The following ULK2 variants were observed in gnomAD, a reference collection of about 807,000 sequenced individuals.
ULK2 encodes the protein unc-51 like autophagy activating kinase 2.
Under a neutral mutation model 127.5 loss-of-function variants are expected in ULK2, and 76 were observed. The observed-to-expected ratio is 0.60, with a 90% CI of 0.50 to 0.72. The LOEUF (loss-of-function observed/expected upper bound fraction) is 0.72. Among genes scored for constraint, ULK2 ranks in the 30% least tolerant of loss-of-function variants. The pLI, the probability that ULK2 is intolerant of heterozygous loss-of-function variation, is 0.00. For synonymous variants in ULK2, 452 were observed against 461.9 expected, an observed-to-expected ratio of 0.98 and a Z score of 0.28; for missense variants, 1,144 against 1,295.9, an observed-to-expected ratio of 0.88 and a Z score of 1.80.
At chr17:19,826,663 G>C (rs2041304075) in intron 10 of ULK2, among the ~76,000 whole-genome samples, 1 of 152,030 alleles carries the variant, frequency 6.6e-6, no homozygotes, top group African/African-American at 2.4e-5. Flanking sequence ...ACATTAAAAA[G>C]AGAAAAAACT....
chr17:19,782,093 A>G (rs2086931914), intron 22 of ULK2, 26 bp from the exon 23 acceptor site: 1 of 1,609,590 alleles, frequency 6.2e-7, no homozygotes, highest in South Asian at 1.1e-5. Flanking sequence ...TTTGTCTTAG[A>G]AAATTTCAGA....
chr17:19,860,426 AC>A (rs1425210519), intron 3 of ULK2, among the ~76,000 whole-genome samples: 1 of 152,160 alleles, frequency 6.6e-6, no homozygotes, highest in Non-Finnish European at 1.5e-5. Flanking sequence ...AACATACTGT[AC>A]CCCTTGATGA....
chr17:19,798,116 T>C (rs1455700911), intron 17 of ULK2, among the ~76,000 whole-genome samples: 1 of 152,146 alleles, frequency 6.6e-6, no homozygotes, highest in Non-Finnish European at 1.5e-5. Context: ...AAAAGAAAAC[T>C]CGAACTAACT....
At chr17:19,777,036 T>C (rs2086824260) in intron 26 of ULK2, among the ~76,000 whole-genome samples, 2 of 152,222 alleles carry the variant, frequency 1.3e-5, no homozygotes. Context: ...TATCTAGTTA[T>C]GCATCTATTT....
At chr17:19,864,870 A>G in intron 2 of ULK2, 26 bp from the exon 3 acceptor site, 1 of 1,127,312 alleles carries the variant, frequency 8.9e-7, no homozygotes, top group East Asian at 2.7e-5. Context: ...AGAATGAAAA[A>G]TATGTAAGTA....
At chr17:19,821,815 C>T (rs1009980524) in intron 12 of ULK2, among the ~76,000 whole-genome samples, 1 of 152,058 alleles carries the variant, frequency 6.6e-6, no homozygotes, top group African/African-American at 2.4e-5. Flanking sequence ...TCATAGCTCA[C>T]TGTAACCTCG....
rs144353476 is a variant in ULK2, at chr17:19,790,254, T to C, written c.2102-4168A>G. ...CAACATGGTGAAACACTGTCTCTACTAAAAATACAAAAATTTGCCAGGTGT... is the reference window on the plus strand; with the variant it reads ...CAACATGGTGAAACACTGTCTCTACCAAAAATACAAAAATTTGCCAGGTGT... On this transcript the variant is annotated intron_variant, in intron 20 of 26. Coordinates refer to ENST00000395544, the MANE Select transcript of ULK2 (RefSeq NM_014683.4). 2.0e-4 allele frequency among the ~76,000 whole-genome samples: 31 copies of C among 152,114 alleles called. No individual in the cohort carries two copies. In the East Asian group the frequency reaches 5.6e-3, roughly 28 times the overall value.
intron 12 of ULK2, among the ~76,000 whole-genome samples, chr17:19,822,525 C>A (rs2041177482): frequency 6.6e-6 from 1 of 151,260 alleles, no homozygotes; most frequent in African/African-American, 2.4e-5. Context: ...CCACGCCCAG[C>A]CAATTTTTGT....
intron 3 of ULK2, among the ~76,000 whole-genome samples, chr17:19,864,233 C>G (rs779806407): frequency 9.2e-5 from 14 of 152,134 alleles, no homozygotes; most frequent in Non-Finnish European, 1.8e-4. Flanking sequence ...TTTGGGAGGC[C>G]AAGGTGGGAG....
intron 10 of ULK2, among the ~76,000 whole-genome samples, chr17:19,836,419 ACAAG>A (rs1209884984): frequency 6.6e-6 from 1 of 150,506 alleles, no homozygotes; most frequent in African/African-American, 2.4e-5. Flanking sequence ...AAAAACACAA[ACAAG>A]CAAAAAAAAT....
At chr17:19,826,088 C>T in intron 11 of ULK2, 51 bp downstream of exon 11, 1 of 1,096,986 alleles carries the variant, frequency 9.1e-7, no homozygotes, top group African/African-American at 1.6e-5. Context: ...TTAATTTTTC[C>T]TAAAGCTTGC....
At chr17:19,858,122 G>A (rs1328951589) in intron 3 of ULK2, among the ~76,000 whole-genome samples, 2 of 152,036 alleles carry the variant, frequency 1.3e-5, no homozygotes, top group East Asian at 1.9e-4. Flanking sequence ...CTATTGGCCC[G>A]GGTGTGGTGG....
In ULK2 at chr17:19,782,012, C is replaced by T. The variant is rs758506166; in HGVS notation, c.2516G>A (p.Cys839Tyr). ...CCTCATGGCTGTCAGGTCCAGCACA[C>T]ACTCAGTGAACATCAGCATCACATT... ...HLNVMLMFTE[C>Y]VLDLTAMRGG... is the part of the protein sequence containing the mutation. The change falls in exon 23 of 27, where the codon TGT (cysteine) becomes TAT (tyrosine). Residue 839 changes from cysteine (C) to tyrosine (Y), a missense_variant. Cys to Tyr is a radical substitution (Grantham distance 194, BLOSUM62 -2). This residue lies in a region of ULK2 where 913 missense variants were observed against 970.5 expected (regional missense o/e 0.94). Coordinates refer to ENST00000395544, the MANE Select transcript of ULK2 (RefSeq NM_014683.4). 1.9e-5 allele frequency: 31 copies of T among 1,614,100 alleles called. No individual in the cohort carries two copies. Among genetic ancestry groups the T allele is most frequent in the Admixed American group, 5.0e-5 (3 of 60,010 alleles).
chr17:19,812,012 T>C (rs765134684), intron 13 of ULK2, among the ~76,000 whole-genome samples: 1 of 152,066 alleles, frequency 6.6e-6, no homozygotes, highest in East Asian at 1.9e-4. Flanking sequence ...GCCACCAAAA[T>C]TTGGAAGGTA....
intron 9 of ULK2, among the ~76,000 whole-genome samples, chr17:19,839,616 C>T (rs1247748881): frequency 2.1e-5 from 3 of 146,172 alleles, no homozygotes; most frequent in Admixed American, 7.0e-5. Context: ...GAGCCAAGAT[C>T]GTGCCATTAC....
intron 12 of ULK2, among the ~76,000 whole-genome samples, chr17:19,824,752 A>C (rs562722198): frequency 1.0e-3 from 156 of 152,330 alleles, no homozygotes; most frequent in African/African-American, 3.3e-3. Flanking sequence ...ATTCAGATCA[A>C]ATAAATATTT....
At chr17:19,782,909 C>T (rs2086949607) in intron 22 of ULK2, among the ~76,000 whole-genome samples, 1 of 136,728 alleles carries the variant, frequency 7.3e-6, no homozygotes, top group African/African-American at 2.7e-5. Context: ...GAGCAAGACT[C>T]TGTCTCAAAT....
At chr17:19,831,363 C>T (rs1022633828) in intron 10 of ULK2, among the ~76,000 whole-genome samples, 1 of 151,938 alleles carries the variant, frequency 6.6e-6, no homozygotes, top group African/African-American at 2.4e-5. Context: ...GGACACAGAG[C>T]CAAAGGATAC....
chr17:19,776,410 A>G lies in ULK2; in HGVS notation c.3053-3T>C. On this transcript the variant is annotated splice_region_variant and splice_polypyrimidine_tract_variant and intron_variant, in intron 26 of 26. Coordinates refer to ENST00000395544, the MANE Select transcript of ULK2 (RefSeq NM_014683.4). ...TCTTCTCTCAATACTACATTTATCT[A>G]GAAATAAAATAACAAAAATGAAGAA... 1 of 1,587,892 alleles carries G rather than the reference A, an allele frequency of 6.3e-7. No homozygotes were observed. Among genetic ancestry groups the G allele is most frequent in the Non-Finnish European group, 8.6e-7 (1 of 1,167,104 alleles).
Sources: gnomAD v4.1 joint callset for allele counts (sites outside exome capture counted in the v4.1 genomes callset) on GRCh38, gnomAD v4.1.1 for gene constraint, gnomAD v4.1.1 regional missense constraint, MANE v1.5 for transcripts, NCBI Gene and HGNC (gene_info 2026-07-23, HGNC 2026-07-21) for gene names.